The following CMKLR1 variants were observed in gnomAD, a reference collection of about 807,000 sequenced individuals.
The protein encoded by CMKLR1 is chemerin-like receptor 1.
A neutral mutation model predicts 8.2 loss-of-function variants in CMKLR1; 6 were observed. That is an observed-to-expected ratio of 0.73 (90% CI 0.40 to 1.44). The LOEUF (loss-of-function observed/expected upper bound fraction) is 1.44, where lower values mean the gene tolerates loss of function less well. Among genes scored for constraint, CMKLR1 ranks in the 40% most tolerant of loss-of-function variants. The pLI is 0.02. For synonymous variants in CMKLR1, 178 were observed against 181.2 expected (o/e 0.98, Z 0.14); for missense variants, 429 against 478.0 (o/e 0.90, Z 0.96).
intron 2 of CMKLR1, among the ~76,000 whole-genome samples, chr12:108,323,981 G>T (rs1461571934): frequency 1.3e-5 from 2 of 152,180 alleles, no homozygotes; most frequent in East Asian, 3.9e-4. Context: ...GAGACCAGGG[G>T]TCTACAGTCC....
chr12:108,297,033 G>GA (rs35244737), intron 2 of CMKLR1, among the ~76,000 whole-genome samples: 1 of 152,064 alleles, frequency 6.6e-6, no homozygotes, highest in Non-Finnish European at 1.5e-5. Flanking sequence ...GGAAGCTTAT[G>GA]AAAAAAATAT....
chr12:108,335,257 C>G (rs1892193481), intron 1 of CMKLR1, among the ~76,000 whole-genome samples: 1 of 152,138 alleles, frequency 6.6e-6, no homozygotes, highest in African/African-American at 2.4e-5. Flanking sequence ...CCTTGTAACT[C>G]CATGTCCTGG....
At chr12:108,337,943 A>C (rs1892267666) in intron 1 of CMKLR1, among the ~76,000 whole-genome samples, 1 of 152,182 alleles carries the variant, frequency 6.6e-6, no homozygotes, top group African/African-American at 2.4e-5. Context: ...ACCACAGAGA[A>C]GATTGGTCTT....
intron 2 of CMKLR1, among the ~76,000 whole-genome samples, chr12:108,298,220 G>A (rs981618827): frequency 5.9e-5 from 9 of 152,144 alleles, no homozygotes; most frequent in African/African-American, 9.7e-5. Context: ...TGTCTACATC[G>A]AATTATACTT....
Position 108,317,335 on chromosome 12 carries a change from C to T in CMKLR1, c.-74+12660G>A, listed in dbSNP as rs112804812. Among the ~76,000 whole-genome samples the T allele has an allele frequency of 1.3e-3, 199 of 152,324 alleles. 1 individual carries two copies. The highest frequency in any genetic ancestry group is 4.4e-3 in the African/African-American group (183 of 41,562). On this transcript the variant is annotated intron_variant, in intron 2 of 3. Transcript: ENST00000550402. ...AGCCCACAAGAACGCATTGTTTTCC[C>T]TACAAACATTTCACCAAGAGCTTGG...
At chr12:108,332,215 A>G (rs1039006504) in intron 1 of CMKLR1, among the ~76,000 whole-genome samples, 3 of 152,242 alleles carry the variant, frequency 2.0e-5, no homozygotes, top group Non-Finnish European at 2.9e-5. Flanking sequence ...GGTTATATGT[A>G]TGTGACTTGC....
chr12:108,327,807 C>G (rs375513832), intron 2 of CMKLR1, among the ~76,000 whole-genome samples: 1 of 152,136 alleles, frequency 6.6e-6, no homozygotes. Context: ...GAAGGAAGAA[C>G]GAGGAGGTGC....
At chr12:108,313,101 A>G (rs1891626595) in intron 2 of CMKLR1, among the ~76,000 whole-genome samples, 1 of 152,118 alleles carries the variant, frequency 6.6e-6, no homozygotes, top group Non-Finnish European at 1.5e-5. Context: ...CACCACTGCC[A>G]GCAATCAGGA....
intron 2 of CMKLR1, among the ~76,000 whole-genome samples, chr12:108,321,440 TA>T (rs199780294): frequency 0.013 from 1,905 of 151,966 alleles, 41 homozygotes; most frequent in African/African-American, 0.043. Flanking sequence ...TCCAAAAAAA[TA>T]ATAATAAATA....
chr12:108,295,340 C>T (rs1380435766), intron 2 of CMKLR1, among the ~76,000 whole-genome samples: 5 of 152,252 alleles, frequency 3.3e-5, no homozygotes, highest in Non-Finnish European at 7.3e-5. Flanking sequence ...GAGCTCTTAA[C>T]TGTCACTCCA....
rs1890884881 is a variant in CMKLR1, at chr12:108,289,013, T to A, written c.*2828A>T. 1 of 147,994 alleles carries A rather than the reference T, an allele frequency of 6.8e-6. No homozygotes were observed. Among genetic ancestry groups the A allele is most frequent in the African/African-American group, 2.5e-5 (1 of 40,034 alleles). The allele number at this position is 147,994 out of a possible 1,614,324, so 9.2% of individuals were successfully genotyped here. On this transcript the variant is annotated 3_prime_UTR_variant, in exon 4 of 4. Coordinates refer to ENST00000550402, the MANE Select transcript of CMKLR1 (RefSeq NM_001142343.2). Reference sequence around the variant, plus strand: ...TGCCAGGGCCAATTTGAGGTTTCAGTGTTTGTGCCTGAACCATCGTAGGTG... The same window carrying A: ...TGCCAGGGCCAATTTGAGGTTTCAGAGTTTGTGCCTGAACCATCGTAGGTG...
chr12:108,302,252 G>T (rs1426338860), intron 2 of CMKLR1, among the ~76,000 whole-genome samples: 1 of 152,212 alleles, frequency 6.6e-6, no homozygotes, highest in Non-Finnish European at 1.5e-5. Flanking sequence ...TCCCAGGTTG[G>T]CCGGGTGGGA....
intron 2 of CMKLR1, among the ~76,000 whole-genome samples, chr12:108,328,681 AG>A (rs1206235972): frequency 6.6e-6 from 1 of 152,202 alleles, no homozygotes; most frequent in African/African-American, 2.4e-5. Flanking sequence ...GTCATAAAAA[AG>A]ACTGAAAATT....
chr12:108,336,168 T>C (rs527511860), intron 1 of CMKLR1, among the ~76,000 whole-genome samples: 1 of 152,344 alleles, frequency 6.6e-6, no homozygotes, highest in Non-Finnish European at 1.5e-5. Context: ...GGGGTGCATC[T>C]GAATGACCTG....
chr12:108,326,439 T>C (rs1566029384), intron 2 of CMKLR1, among the ~76,000 whole-genome samples: 1 of 152,218 alleles, frequency 6.6e-6, no homozygotes, highest in Non-Finnish European at 1.5e-5. Context: ...TTTATTGCTT[T>C]GGTTTCCAAC....
rs76303647 is a variant in CMKLR1, at chr12:108,289,163, G to A, written c.*2678C>T. On this transcript the variant is annotated 3_prime_UTR_variant, in exon 4 of 4. Coordinates refer to ENST00000550402, the MANE Select transcript of CMKLR1 (RefSeq NM_001142343.2). Reference sequence around the variant, plus strand: ...TTTTCCCTCTACCTCTTGTCCTCACGATCCCTCAGCTCCCCCACCCCACCC... The same window carrying A: ...TTTTCCCTCTACCTCTTGTCCTCACAATCCCTCAGCTCCCCCACCCCACCC... 1,657 of 152,126 alleles carry A rather than the reference G, an allele frequency of 0.011. 12 individuals are homozygous for A. Among genetic ancestry groups the A allele is most frequent in the Middle Eastern group, 0.019 (6 of 310 alleles). The allele number at this position is 152,126 out of a possible 1,614,324, so 9.4% of individuals were successfully genotyped here. A position where few individuals can be genotyped will look rare whatever the true frequency, so the allele number is the denominator to read the frequency against.
chr12:108,329,531 A>G (rs965333874), intron 2 of CMKLR1, among the ~76,000 whole-genome samples: 1 of 152,238 alleles, frequency 6.6e-6, no homozygotes, highest in African/African-American at 2.4e-5. Context: ...CACTAAATGT[A>G]TCAAGCAGGC....
At chr12:108,301,332 T>C (rs1489708745) in intron 2 of CMKLR1, among the ~76,000 whole-genome samples, 1 of 151,908 alleles carries the variant, frequency 6.6e-6, no homozygotes, top group Non-Finnish European at 1.5e-5. Context: ...CACTTTGGGC[T>C]CCCAAAGTGC....
At chr12:108,315,607 C>G (rs1188023456) in intron 2 of CMKLR1, among the ~76,000 whole-genome samples, 1 of 152,166 alleles carries the variant, frequency 6.6e-6, no homozygotes, top group Non-Finnish European at 1.5e-5. Context: ...CCCCATTTGA[C>G]AGATGAGAAA....
Sources: gnomAD v4.1 joint callset for allele counts (sites outside exome capture counted in the v4.1 genomes callset) on GRCh38, gnomAD v4.1.1 for gene constraint, MANE v1.5 for transcripts, NCBI Gene and HGNC (gene_info 2026-07-23, HGNC 2026-07-21) for gene names.